The following EXOC6 variants were observed in gnomAD, a reference collection of about 807,000 sequenced individuals.
The protein encoded by EXOC6 is SEC15-like 1.
EXOC6 carries 60 observed loss-of-function variants against 112.5 expected under a neutral mutation model. The observed-to-expected ratio is 0.53, with a 90% CI of 0.43 to 0.66. The LOEUF (loss-of-function observed/expected upper bound fraction) is 0.66, where lower values mean the gene tolerates loss of function less well. EXOC6 is among the 30% of genes least tolerant of loss of function. EXOC6 has a pLI of 0.00. For synonymous variants in EXOC6, 295 were observed against 308.0 expected, an observed-to-expected ratio of 0.96 and a Z score of 0.44; for missense variants, 855 against 957.1, an observed-to-expected ratio of 0.89 and a Z score of 1.41.
At chr10:93,026,410 CTTT>C (rs1308342845) in intron 20 of EXOC6, among the ~76,000 whole-genome samples, 2 of 152,158 alleles carry the variant, frequency 1.3e-5, no homozygotes, top group Non-Finnish European at 2.9e-5. Context: ...TCTGTCTCTT[CTTT>C]TTTAGCCATT....
chr10:92,884,466 A>C (rs1383929296), intron 1 of EXOC6, among the ~76,000 whole-genome samples: 1 of 152,206 alleles, frequency 6.6e-6, no homozygotes, highest in Admixed American at 6.5e-5. Context: ...CACTATGCAG[A>C]TGTAGCCCCT....
At chr10:92,954,169 A>T (rs370838933) in intron 15 of EXOC6, among the ~76,000 whole-genome samples, 2 of 152,088 alleles carry the variant, frequency 1.3e-5, no homozygotes, top group African/African-American at 4.8e-5. Context: ...AGTCCCAGCT[A>T]CTCAGAATGT....
chr10:92,933,837 G>T (rs1359453086), intron 9 of EXOC6, among the ~76,000 whole-genome samples: 1 of 152,092 alleles, frequency 6.6e-6, no homozygotes. Flanking sequence ...GGAAGTTGGG[G>T]AGACTATGTA....
rs571901817 is a variant in EXOC6 at position 92,938,212 on chromosome 10, G to T, written c.1212+2327G>T. On this transcript the variant is annotated intron_variant, in intron 12 of 21. Coordinates refer to ENST00000260762, the MANE Select transcript of EXOC6 (RefSeq NM_019053.6). ...TTTAGGTAATATTGGCACTGTAAAAGCAACAATGATAGTTACATAAACCCT... is the reference window on the plus strand; with the variant it reads ...TTTAGGTAATATTGGCACTGTAAAATCAACAATGATAGTTACATAAACCCT... Among the ~76,000 whole-genome samples the T allele has an allele frequency of 3.3e-5, 5 of 152,172 alleles. No homozygotes were observed. The South Asian group carries it at 1.0e-3, about 32-fold the overall frequency.
rs376278562 is a variant in EXOC6, at chr10:92,940,795, A to G, written c.1281A>G (p.Thr427=). Residue 427 remains threonine, a synonymous_variant, in exon 13 of 22, where the codon ACA becomes ACG. Transcript: ENST00000260762. ...LFEIRDQYNE[T]LLKKWAGVFR... ...AAATAAGAGACCAATACAATGAAAC[A>G]CTGCTTAAGAAATGGGCTGGAGTTT... The G allele has an allele frequency of 7.4e-6, 12 of 1,611,268 alleles. No individual in the cohort carries two copies. The East Asian group carries it at 8.9e-5, about 12-fold the overall frequency.
intron 6 of EXOC6, among the ~76,000 whole-genome samples, chr10:92,912,579 A>AGTACATTTGTATGTAGAAGTACG (rs1850848298): frequency 6.6e-6 from 1 of 152,230 alleles, no homozygotes; most frequent in African/African-American, 2.4e-5. Flanking sequence ...GTAGAAGTAC[A>AGTACATTTGTATGTAGAAGTACG]GTATACAGAG....
upstream of EXOC6, among the ~76,000 whole-genome samples, chr10:92,843,683 G>C (rs1334127734): frequency 6.6e-6 from 1 of 151,548 alleles, no homozygotes. Flanking sequence ...TCCATCTCTA[G>C]TAAAATACAA....
chr10:93,037,849 A>T (rs1302263028), intron 20 of EXOC6, among the ~76,000 whole-genome samples: 6 of 150,462 alleles, frequency 4.0e-5, no homozygotes, highest in Non-Finnish European at 8.9e-5. Context: ...CCGGAGATCG[A>T]GACCACGGTG....
At chr10:92,913,428 C>T (rs1850910167) in intron 6 of EXOC6, among the ~76,000 whole-genome samples, 1 of 152,088 alleles carries the variant, frequency 6.6e-6, no homozygotes, top group Admixed American at 6.6e-5. Context: ...TAAGTGATAC[C>T]CTGTTACCTT....
chr10:92,831,391 C>G (rs1564756410), upstream of EXOC6: 1 of 1,233,792 alleles, frequency 8.1e-7, no homozygotes, highest in Non-Finnish European at 1.1e-6. Context: ...GTTAATTAAA[C>G]TACTTTAGAG....
chr10:92,999,215 T>C (rs1267182997), intron 19 of EXOC6: 5 of 416,386 alleles, frequency 1.2e-5, no homozygotes, highest in South Asian at 8.8e-5. Context: ...TTTTTTTTTT[T>C]TTTACAAGTT....
Position 93,037,378 on chromosome 10 carries a change from G to C in EXOC6, c.2170-19546G>C, listed in dbSNP as rs558094816. ...TGTTCTGAAACTCCTGGCCTCAAGC[G>C]ATCCACCTCAGCCACCCAATGTGCG... On this transcript the variant is annotated intron_variant, in intron 20 of 21. Transcript: ENST00000260762. Among the ~76,000 whole-genome samples, 219 of 151,232 alleles carry C rather than the reference G, an allele frequency of 1.4e-3. 1 individual carries two copies. Among genetic ancestry groups the C allele is most frequent in the Non-Finnish European group, 1.7e-3 (118 of 67,886 alleles).
chr10:92,915,823 T>C lies in EXOC6; in HGVS notation c.729T>C (p.Asn243=). The C allele has an allele frequency of 6.5e-7, 1 of 1,535,052 alleles. No homozygotes were observed. Among genetic ancestry groups the C allele is most frequent in the South Asian group, 1.3e-5 (1 of 77,036 alleles). Residue 243 remains asparagine, a synonymous_variant, in exon 7 of 22, where the codon AAT becomes AAC. Transcript: ENST00000260762. ...AAAATAAAATGAAATTTGGGAAAAA[T>C]ATGTATATAAATCGTGATAGAATTC... ...QKQNKMKFGK[N]MYINRDRIPE...
chr10:92,859,815 G>C (rs1847812273), intron 1 of EXOC6, among the ~76,000 whole-genome samples: 1 of 114,596 alleles, frequency 8.7e-6, no homozygotes, highest in South Asian at 3.1e-4. Flanking sequence ...GTGCACGTTT[G>C]TGTGCATGTG....
chr10:92,963,982 C>T (rs1436411375), intron 17 of EXOC6, among the ~76,000 whole-genome samples: 2 of 151,266 alleles, frequency 1.3e-5, no homozygotes, highest in African/African-American at 4.9e-5. Context: ...AATACATATC[C>T]TAAAGCCTAA....
rs1244080183 is a variant in EXOC6 at position 92,874,301 on chromosome 10, A to G, written c.102-19048A>G. On this transcript the variant is annotated intron_variant, in intron 1 of 21. Coordinates refer to ENST00000260762, the MANE Select transcript of EXOC6 (RefSeq NM_019053.6). ...AAAATTTATATGGCATATCATCATCATCATCAGCCTGGTGACCTCTTTGAC... is the reference window on the plus strand; with the variant it reads ...AAAATTTATATGGCATATCATCATCGTCATCAGCCTGGTGACCTCTTTGAC... Among the ~76,000 whole-genome samples the G allele has an allele frequency of 2.6e-5, 4 of 152,192 alleles. No homozygotes were observed. The East Asian group carries it at 5.8e-4, about 22-fold the overall frequency.
Position 92,948,304 on chromosome 10 carries a change from C to T in EXOC6, c.1341C>T (p.Pro447=), listed in dbSNP as rs367859000. Residue 447 remains proline, a synonymous_variant, in exon 14 of 22, where the codon CCC becomes CCT. Coordinates refer to ENST00000260762, the MANE Select transcript of EXOC6 (RefSeq NM_019053.6). ...RDIFEEDNYS[P]IPVVNEEEYK... is the part of the protein sequence containing the mutation. ...TTTTTGAAGAAGATAATTACAGCCC[C>T]ATCCCTGTTGTCAATGAAGAAGAAT... The T allele has an allele frequency of 5.2e-5, 84 of 1,608,850 alleles. No homozygotes were observed. The highest frequency in any genetic ancestry group is 1.3e-5 in the African/African-American group (1 of 74,596).
chr10:92,963,501 A>G (rs1854134958), intron 17 of EXOC6, among the ~76,000 whole-genome samples: 1 of 151,722 alleles, frequency 6.6e-6, no homozygotes, highest in African/African-American at 2.4e-5. Context: ...CTTATAGTCC[A>G]TGATGACTGT....
chr10:93,053,531 T>G (rs1283723637), intron 20 of EXOC6, among the ~76,000 whole-genome samples: 1 of 152,256 alleles, frequency 6.6e-6, no homozygotes, highest in Non-Finnish European at 1.5e-5. Flanking sequence ...GTCTCTCCTC[T>G]TTATCAATAC....
Sources: allele counts gnomAD v4.1 joint callset (sites outside exome capture counted in the v4.1 genomes callset), GRCh38; gene constraint gnomAD v4.1.1; transcripts MANE v1.5; gene names NCBI Gene and HGNC (gene_info 2026-07-23, HGNC 2026-07-21).